SLC12A2: variants seen among roughly 807,000 people sequenced by gnomAD.
SLC12A2 encodes the protein solute carrier family 12 member 2, also known as Na-K-2Cl cotransporter 1.
A neutral mutation model predicts 136.3 loss-of-function variants in SLC12A2; 67 were observed. That is an observed-to-expected ratio of 0.49 (90% CI 0.40 to 0.60). The LOEUF is 0.60. Among genes scored for constraint, SLC12A2 ranks in the 20% least tolerant of loss-of-function variants. The pLI, the probability that SLC12A2 is intolerant of heterozygous loss-of-function variation, is 0.00. For missense variants in SLC12A2, 1,322 were observed against 1,534.7 expected, an observed-to-expected ratio of 0.86 and a Z score of 2.32; for synonymous variants, 619 against 562.9, an observed-to-expected ratio of 1.10 and a Z score of -1.41.
chr5:128,144,890 C>A (rs1459254868), intron 10 of SLC12A2, among the ~76,000 whole-genome samples: 1 of 152,120 alleles, frequency 6.6e-6, no homozygotes, highest in African/African-American at 2.4e-5. Context: ...TATTTACTTG[C>A]TATCTTTTAG....
chr5:128,162,321 G>A (rs555795712), intron 17 of SLC12A2, among the ~76,000 whole-genome samples: 4 of 152,022 alleles, frequency 2.6e-5, no homozygotes, highest in South Asian at 2.1e-4. Flanking sequence ...AGAGCTACCC[G>A]TATCAGAAAC....
intron 19 of SLC12A2, among the ~76,000 whole-genome samples, chr5:128,173,147 ATTTAAACTGT>A (rs1344508823): frequency 1.3e-5 from 2 of 152,312 alleles, no homozygotes; most frequent in East Asian, 3.9e-4. Flanking sequence ...CTGCTTCTGT[ATTTAAACTGT>A]TTTAATCTTC....
chr5:128,102,252 A>G (rs1760763333), intron 1 of SLC12A2, among the ~76,000 whole-genome samples: 1 of 152,178 alleles, frequency 6.6e-6, no homozygotes, highest in African/African-American at 2.4e-5. Context: ...ATACAAATGT[A>G]TAACGTAAGT....
intron 1 of SLC12A2, among the ~76,000 whole-genome samples, chr5:128,102,090 C>G (rs1338849394): frequency 6.6e-6 from 1 of 151,904 alleles, no homozygotes; most frequent in Non-Finnish European, 1.5e-5. Context: ...TGGGCAGTTG[C>G]AATAGTAGAT....
At chr5:128,130,545 G>T (rs1306298599) in intron 4 of SLC12A2, among the ~76,000 whole-genome samples, 3 of 149,798 alleles carry the variant, frequency 2.0e-5, no homozygotes, top group African/African-American at 7.4e-5. Context: ...AGTCCGGTGT[G>T]GTGGCACGCA....
intron 4 of SLC12A2, among the ~76,000 whole-genome samples, chr5:128,125,862 C>T (rs1761772074): frequency 6.6e-6 from 1 of 152,098 alleles, no homozygotes; most frequent in Non-Finnish European, 1.5e-5. Context: ...GTTTTTCTCC[C>T]TACCCTTCTT....
intron 18 of SLC12A2, chr5:128,168,558 A>G (rs1763274480): frequency 6.6e-6 from 1 of 152,010 alleles, no homozygotes; most frequent in Non-Finnish European, 1.5e-5. Flanking sequence ...TTTATTGTGG[A>G]CTTTATTTAT....
At position 128,155,333 on chromosome 5, in the gene SLC12A2, T is replaced by C. The variant is rs558383099; in HGVS notation, c.2363+2528T>C. 3.9e-5 allele frequency among the ~76,000 whole-genome samples: 6 copies of C among 152,304 alleles called. 1 individual carries two copies. The South Asian group carries it at 1.2e-3, about 32-fold the overall frequency. ...TTTTGATTTTTAATTTTGGACATTA[T>C]CAACTGATGTCTTTCATCTACGTAT... On this transcript the variant is annotated intron_variant, in intron 15 of 26. Transcript: ENST00000262461.
In SLC12A2 at chr5:128,084,954, C is replaced by T. The variant is rs958435919; in HGVS notation, c.756+244C>T. On this transcript the variant is annotated intron_variant, in intron 1 of 26. Coordinates refer to ENST00000262461, the MANE Select transcript of SLC12A2 (RefSeq NM_001046.3). This position sits in a 1 kb window ranked among gnomAD's most constrained non-coding sequence, Gnocchi z 5.6. Reference sequence around the variant, plus strand: ...GGCTGCCTCTAACAACCTTCCCCATCCAGTTAGGTATCTCGTGTGCACTTT... The same window carrying T: ...GGCTGCCTCTAACAACCTTCCCCATTCAGTTAGGTATCTCGTGTGCACTTT... Among the ~76,000 whole-genome samples the T allele has an allele frequency of 6.7e-6, 1 of 150,248 alleles. No homozygotes were observed. Among genetic ancestry groups the T allele is most frequent in the Non-Finnish European group, 1.5e-5 (1 of 67,692 alleles).
intron 15 of SLC12A2, among the ~76,000 whole-genome samples, chr5:128,154,629 A>C (rs1422904000): frequency 6.6e-6 from 1 of 152,072 alleles, no homozygotes; most frequent in East Asian, 1.9e-4. Context: ...GTCCCCTGTT[A>C]TCCACAGGGG....
chr5:128,084,237 G>T lies in SLC12A2; in HGVS notation c.283G>T (p.Ala95Ser), dbSNP rs1440016177. Reference sequence around the variant, plus strand: ...TTCCGAGAACGCCGGGCGGGCCGCTGCTGCGGCGGCGGCGGCGGCGGCGGC... The same window carrying T: ...TTCCGAGAACGCCGGGCGGGCCGCTTCTGCGGCGGCGGCGGCGGCGGCGGC... The part of the protein sequence containing the change: ...LVSENAGRAA[A>S]AAAAAAAAAA... Residue 95 changes from alanine (A) to serine (S), a missense_variant, in exon 1 of 27, where the codon GCT (alanine) becomes TCT (serine). Ala to Ser is a moderately conservative substitution (Grantham distance 99, BLOSUM62 1). Around this residue, in one of 8 missense-constraint regions of SLC12A2, gnomAD observed 358 missense variants for 299.7 expected, o/e 1.19. Transcript: ENST00000262461. The surrounding 1 kb of genome is among the most constrained non-coding windows in gnomAD (Gnocchi z 5.6). 1 of 1,283,112 alleles carries T rather than the reference G, an allele frequency of 7.8e-7. No homozygotes were observed. The highest frequency in any genetic ancestry group is 9.7e-7 in the Non-Finnish European group (1 of 1,025,882). 79.5% of individuals were successfully genotyped at this position (1,283,112 alleles called of 1,614,324 possible).
At chr5:128,134,330 A>C in intron 6 of SLC12A2, 55 bp downstream of exon 6, 1 of 926,434 alleles carries the variant, frequency 1.1e-6, no homozygotes, top group Non-Finnish European at 1.8e-6. Flanking sequence ...TTTAGAGCTT[A>C]TGTTTTGGGA....
At chr5:128,120,914 CTGTT>C (rs1451904468) in intron 4 of SLC12A2, among the ~76,000 whole-genome samples, 2 of 151,534 alleles carry the variant, frequency 1.3e-5, no homozygotes, top group South Asian at 2.1e-4. Flanking sequence ...GAGATAATGC[CTGTT>C]TATTTATCTT....
chr5:128,153,687 A>G lies in SLC12A2; in HGVS notation c.2363+882A>G, dbSNP rs562321307. On this transcript the variant is annotated intron_variant, in intron 15 of 26. Transcript: ENST00000262461. ...ACAAATCTTTTCCATGTTTATTAGT[A>G]AACCAAAAGGGAAAATAATGTTTTT... Among the ~76,000 whole-genome samples, 83 of 152,342 alleles carry G rather than the reference A, an allele frequency of 5.4e-4. 1 individual carries two copies. The highest frequency in any genetic ancestry group is 1.5e-4 in the Non-Finnish European group (10 of 68,038).
intron 1 of SLC12A2, among the ~76,000 whole-genome samples, chr5:128,089,397 T>TA (rs963975127): frequency 2.6e-5 from 4 of 151,094 alleles, no homozygotes; most frequent in Middle Eastern, 3.4e-3. Context: ...AGACCCTGTC[T>TA]AAAAAAAAAT....
chr5:128,165,443 A>G (rs571274366), intron 17 of SLC12A2, among the ~76,000 whole-genome samples: 5 of 152,340 alleles, frequency 3.3e-5, no homozygotes, highest in East Asian at 1.9e-4. Context: ...AATTCGTGCA[A>G]TAAGCTTCAG....
rs1018641384 is a variant in SLC12A2, at chr5:128,178,925, T to TA, written c.3100+238dup. ...GAGCTTCATGACCTTAACTTTTTTT[T>TA]AATATGAACCATTTTGTTGACTGTA... On this transcript the variant is annotated intron_variant, in intron 22 of 26. Transcript: ENST00000262461. Among the ~76,000 whole-genome samples the TA allele has an allele frequency of 4.6e-5, 7 of 152,212 alleles. 1 individual carries two copies. Among genetic ancestry groups the TA allele is most frequent in the African/African-American group, 1.7e-4 (7 of 41,458 alleles).
rs1760032227 is a variant in SLC12A2 at position 128,084,912 on chromosome 5, G to A, written c.756+202G>A. On this transcript the variant is annotated intron_variant, in intron 1 of 26. Coordinates refer to ENST00000262461, the MANE Select transcript of SLC12A2 (RefSeq NM_001046.3). This position sits in a 1 kb window ranked among gnomAD's most constrained non-coding sequence, Gnocchi z 5.6. The stretch of plus-strand genomic sequence containing the variant: ...CAAAAGTTTGTAGCGGGTTTGGCTA[G>A]TTACGTGATACCGGAGGGCTGCCTC... Among the ~76,000 whole-genome samples the A allele has an allele frequency of 6.6e-6, 1 of 151,016 alleles. No homozygotes were observed. Among genetic ancestry groups the A allele is most frequent in the South Asian group, 2.1e-4 (1 of 4,708 alleles).
chr5:128,103,026 A>AT (rs1204249036), intron 1 of SLC12A2, among the ~76,000 whole-genome samples: 1 of 152,084 alleles, frequency 6.6e-6, no homozygotes, highest in Non-Finnish European at 1.5e-5. Flanking sequence ...GTTTTTGACA[A>AT]TTTTAAACAG....
Sources: allele counts gnomAD v4.1 joint callset (sites outside exome capture counted in the v4.1 genomes callset), GRCh38; gene constraint gnomAD v4.1.1; regional missense constraint gnomAD v4.1.1; non-coding constraint Gnocchi (gnomAD v3.1); transcripts MANE v1.5; gene names NCBI Gene and HGNC (gene_info 2026-07-23, HGNC 2026-07-21).